The following CLASP2 variants were observed in gnomAD, a reference collection of about 807,000 sequenced individuals.
The protein encoded by CLASP2 is cytoplasmic linker associated protein 2.
A neutral mutation model predicts 194.4 loss-of-function variants in CLASP2; 47 were observed. The ratio of observed to expected loss-of-function variants is 0.24; its 90% CI spans 0.19 to 0.31. CLASP2 has a LOEUF of 0.31. CLASP2 is among the 10% of genes least tolerant of loss of function. CLASP2 has a pLI of 1.00. For missense variants in CLASP2, 1,445 were observed against 1,823.6 expected (o/e 0.79, Z 3.78); for synonymous variants, 619 against 633.5 (o/e 0.98, Z 0.34).
intron 23 of CLASP2, among the ~76,000 whole-genome samples, chr3:33,581,015 C>CAAAAAAAAAA (rs34304858): frequency 6.9e-5 from 4 of 57,708 alleles, no homozygotes; most frequent in South Asian, 8.5e-4. Context: ...GACTCCGTCT[C>CAAAAAAAAAA]AAAAAAAAAA....
intron 6 of CLASP2, among the ~76,000 whole-genome samples, chr3:33,682,082 T>C (rs1336160124): frequency 6.6e-6 from 1 of 152,192 alleles, no homozygotes; most frequent in Non-Finnish European, 1.5e-5. Context: ...CGGTGCTTCT[T>C]GTATAGCCCC....
At chr3:33,514,743 T>C (rs9816655) in intron 36 of CLASP2, 4,546 of 260,690 alleles carry the variant, frequency 0.017, 199 homozygotes, top group African/African-American at 0.092. Flanking sequence ...AGCAGCACAA[T>C]TGGCAATTGC....
chr3:33,688,060 GA>G (rs2090914567), intron 4 of CLASP2, among the ~76,000 whole-genome samples: 1 of 151,250 alleles, frequency 6.6e-6, no homozygotes, highest in Non-Finnish European at 1.5e-5. Context: ...ACATACTAAA[GA>G]AAAAAAGAGA....
Position 33,573,239 on chromosome 3 carries a change from ATAC to A in CLASP2, c.2567_2569del (p.Ser856del). On this transcript the variant is annotated inframe_deletion, in exon 25 of 39. Coordinates refer to ENST00000682230, the MANE Select transcript of CLASP2 (RefSeq NM_001365631.1). ...TTCCGTCTGCCTCATATATGTAGGA[ATAC>A]TACCATTTCGAGAACTATAGGAGCG... 1.2e-6 allele frequency: 2 copies of A among 1,613,958 alleles called. No individual in the cohort carries two copies. The highest frequency in any genetic ancestry group is 1.7e-6 in the Non-Finnish European group (2 of 1,179,854).
Position 33,690,734 on chromosome 3 carries a change from T to G in CLASP2, c.275-802A>C, listed in dbSNP as rs185337797. ...TGAGTAGCATGATGAATTCTTGGAC[T>G]GTCCCGCTCCATTCGGTATGGGATG... On this transcript the variant is annotated intron_variant, in intron 2 of 38. Transcript: ENST00000682230. Among the ~76,000 whole-genome samples, 282 of 152,350 alleles carry G rather than the reference T, an allele frequency of 1.9e-3. 1 individual carries two copies. Among genetic ancestry groups the G allele is most frequent in the Non-Finnish European group, 3.2e-3 (221 of 68,032 alleles).
intron 6 of CLASP2, among the ~76,000 whole-genome samples, chr3:33,679,226 A>C (rs1289735764): frequency 6.6e-6 from 1 of 152,190 alleles, no homozygotes; most frequent in East Asian, 1.9e-4. Flanking sequence ...CATCCTTCCC[A>C]AAAATTAATT....
At chr3:33,684,938 G>GT (rs2090418580) in intron 5 of CLASP2, among the ~76,000 whole-genome samples, 2 of 151,902 alleles carry the variant, frequency 1.3e-5, no homozygotes, top group South Asian at 4.2e-4. Context: ...GGAGGTGGAG[G>GT]TTGCAGTGAG....
intron 23 of CLASP2, chr3:33,577,087 TAA>T: frequency 1.2e-6 from 1 of 867,506 alleles, no homozygotes; most frequent in Non-Finnish European, 1.7e-6. Context: ...TCCAACAAAT[TAA>T]ATTTAAATAA....
intron 12 of CLASP2, among the ~76,000 whole-genome samples, chr3:33,612,579 G>T (rs966571087): frequency 2.6e-5 from 4 of 152,168 alleles, no homozygotes; most frequent in Non-Finnish European, 5.9e-5. Context: ...GTTCCATAAA[G>T]ACATAATCTT....
intron 28 of CLASP2, among the ~76,000 whole-genome samples, chr3:33,560,275 C>T (rs1216689704): frequency 6.6e-6 from 1 of 151,052 alleles, no homozygotes; most frequent in Non-Finnish European, 1.5e-5. Flanking sequence ...CAGAGTCTCG[C>T]TCTGTTGCCC....
chr3:33,706,659 T>C (rs993653820), intron 1 of CLASP2, among the ~76,000 whole-genome samples: 13 of 152,140 alleles, frequency 8.5e-5, no homozygotes, highest in Non-Finnish European at 1.6e-4. Context: ...ATATTTTTCT[T>C]TAAAATTAAA....
At chr3:33,668,078 G>A (rs890171429) in intron 6 of CLASP2, among the ~76,000 whole-genome samples, 30 of 152,212 alleles carry the variant, frequency 2.0e-4, no homozygotes, top group Admixed American at 5.2e-4. Flanking sequence ...AATTAGCCCG[G>A]TGTGGTAGCA....
At chr3:33,584,328 A>AG (rs1176367459) in intron 22 of CLASP2, among the ~76,000 whole-genome samples, 1 of 137,110 alleles carries the variant, frequency 7.3e-6, no homozygotes, top group African/African-American at 2.8e-5. Flanking sequence ...CCCAGGCTGG[A>AG]GTGCAGTGTG....
chr3:33,545,806 A>T (rs2059069091), intron 30 of CLASP2, among the ~76,000 whole-genome samples: 1 of 151,908 alleles, frequency 6.6e-6, no homozygotes, highest in African/African-American at 2.4e-5. Context: ...GCTACCTGGG[A>T]GGCTGAGGCC....
intron 27 of CLASP2, among the ~76,000 whole-genome samples, chr3:33,563,617 G>T (rs1325777163): frequency 2.0e-5 from 3 of 152,128 alleles, no homozygotes; most frequent in Non-Finnish European, 4.4e-5. Context: ...TTGCCATTTA[G>T]CACAGCCACT....
At chr3:33,504,199 T>A (rs887445677) in intron 37 of CLASP2, 1 of 152,192 alleles carries the variant, frequency 6.6e-6, no homozygotes, top group Non-Finnish European at 1.5e-5. Context: ...ATTAACCTAT[T>A]TTTTATTTAT....
intron 2 of CLASP2, among the ~76,000 whole-genome samples, chr3:33,693,335 G>A (rs887658018): frequency 3.3e-5 from 5 of 151,916 alleles, no homozygotes; most frequent in African/African-American, 4.8e-5. Flanking sequence ...CTAATAACCC[G>A]AGTGCACCAA....
intron 23 of CLASP2, among the ~76,000 whole-genome samples, chr3:33,576,733 A>G (rs548785100): frequency 8.5e-5 from 13 of 152,296 alleles, no homozygotes; most frequent in African/African-American, 2.9e-4. Flanking sequence ...CTCTCCTTCA[A>G]GATAAGTGGG....
rs376359397 is a variant in CLASP2 at position 33,717,951 on chromosome 3, C to T, written c.52G>A (p.Val18Ile). 8 of 1,545,296 alleles carry T rather than the reference C, an allele frequency of 5.2e-6. No individual in the cohort carries two copies. Among genetic ancestry groups the T allele is most frequent in the Non-Finnish European group, 6.1e-6 (7 of 1,146,798 alleles). ...YFCAQVQQKD[V>I]GGRLQVGQEL... ...TGGCCGACCTGCAGCCGGCCGCCGA[C>T]GTCCTTCTGCTGCACCTGGGCGCAG... The change falls in exon 1 of 39, where the codon GTC (valine) becomes ATC (isoleucine). Residue 18 changes from valine (V) to isoleucine (I), a missense_variant. Physicochemically the swap from Val to Ile is conservative, Grantham distance 29 (BLOSUM62 3). This residue lies in a region of CLASP2 where 332 missense variants were observed against 325.3 expected (regional missense o/e 1.02). Transcript: ENST00000682230.
Sources: gnomAD v4.1 joint callset for allele counts (sites outside exome capture counted in the v4.1 genomes callset) on GRCh38, gnomAD v4.1.1 for gene constraint, gnomAD v4.1.1 regional missense constraint, MANE v1.5 for transcripts, NCBI Gene and HGNC (gene_info 2026-07-23, HGNC 2026-07-21) for gene names.